The following PPP2R2D variants were observed in gnomAD, a reference collection of about 807,000 sequenced individuals.
The protein encoded by PPP2R2D is protein phosphatase 2 regulatory subunit Bdelta.
In PPP2R2D, 9 loss-of-function variants were observed where a neutral mutation model predicts 31.1. The observed-to-expected ratio is 0.29, with a 90% CI of 0.17 to 0.51. The LOEUF (loss-of-function observed/expected upper bound fraction) is 0.51. Among genes scored for constraint, PPP2R2D ranks in the 20% least tolerant of loss-of-function variants. The probability of loss-of-function intolerance (pLI) is 0.98; values close to 1 mark genes in which losing one functional copy is unlikely to be tolerated. For missense variants in PPP2R2D, 391 were observed against 465.6 expected (o/e 0.84, Z 1.48); for synonymous variants, 179 against 172.6 (o/e 1.04, Z -0.29).
chr10:131,917,000 GA>G (rs2035809468), intron 2 of PPP2R2D, among the ~76,000 whole-genome samples: 1 of 141,002 alleles, frequency 7.1e-6, no homozygotes, highest in Non-Finnish European at 1.6e-5. Context: ...CAGGTGGGTG[GA>G]ATGACACAGT....
intron 2 of PPP2R2D, among the ~76,000 whole-genome samples, chr10:131,920,000 GTGTT>G (rs781855071): frequency 2.1e-4 from 32 of 150,226 alleles, no homozygotes; most frequent in Admixed American, 6.6e-4. Context: ...GAATGACACA[GTGTT>G]TGTAGGGACC....
At chr10:131,946,567 G>T (rs2036545487) in intron 7 of PPP2R2D, among the ~76,000 whole-genome samples, 1 of 152,228 alleles carries the variant, frequency 6.6e-6, no homozygotes, top group Admixed American at 6.5e-5. Context: ...CGATGAGGAT[G>T]AGTGTTTCGT....
chr10:131,932,372 A>G (rs782358579), intron 2 of PPP2R2D, among the ~76,000 whole-genome samples: 2 of 152,148 alleles, frequency 1.3e-5, no homozygotes, highest in Non-Finnish European at 2.9e-5. Context: ...GGTGAAGTTT[A>G]TGGTAGTTTA....
chr10:131,944,677 C>T (rs892427693), intron 6 of PPP2R2D, among the ~76,000 whole-genome samples: 2 of 152,184 alleles, frequency 1.3e-5, no homozygotes, highest in Non-Finnish European at 2.9e-5. Flanking sequence ...CGTCCTCCCT[C>T]TGCTGTCCAG....
chr10:131,966,692 A>T, the PPP2R2D span: 1 of 152,316 alleles, frequency 6.6e-6, no homozygotes, highest in South Asian at 2.1e-4. Context: ...CTGGGGCTAC[A>T]GGTGTGTGCC....
At chr10:131,924,596 A>G (rs2036063969) in intron 2 of PPP2R2D, among the ~76,000 whole-genome samples, 1 of 151,934 alleles carries the variant, frequency 6.6e-6, no homozygotes. Context: ...GAAATCAGGA[A>G]GTGTCAGTCT....
rs2036526203 is a variant in PPP2R2D at position 131,945,721 on chromosome 10, G to A, written c.820+262G>A. The A allele has an allele frequency of 2.4e-6, 1 of 418,034 alleles. No homozygotes were observed. Among genetic ancestry groups the A allele is most frequent in the African/African-American group, 2.0e-5 (1 of 50,088 alleles). The allele number at this position is 418,034 out of a possible 1,614,324, so 25.9% of individuals were successfully genotyped here. A position where few individuals can be genotyped will look rare whatever the true frequency, so the allele number is the denominator to read the frequency against. The stretch of plus-strand genomic sequence containing the variant: ...CTACCTCGGCCTCCCAAAGTGCTGG[G>A]ATTACAGGTGTGAGTCACCGCACCT... On this transcript the variant is annotated intron_variant, in intron 7 of 8. Transcript: ENST00000455566. This position sits in a 1 kb window ranked among gnomAD's most constrained non-coding sequence, Gnocchi z 4.8.
rs552872966 is a variant in PPP2R2D at position 131,947,152 on chromosome 10, G to A, written c.821-378G>A. Among the ~76,000 whole-genome samples the A allele has an allele frequency of 3.9e-5, 6 of 152,330 alleles. No homozygotes were observed. Among genetic ancestry groups the A allele is most frequent in the African/African-American group, 9.6e-5 (4 of 41,570 alleles). Reference sequence around the variant, plus strand: ...TGCTCGGGCCTGGTGCCATGAGGACGCGGAGACACTCCTACAGGAATGCGG... The same window carrying A: ...TGCTCGGGCCTGGTGCCATGAGGACACGGAGACACTCCTACAGGAATGCGG... On this transcript the variant is annotated intron_variant, in intron 7 of 8. Transcript: ENST00000455566. This position sits in a 1 kb window ranked among gnomAD's most constrained non-coding sequence, Gnocchi z 4.3.
chr10:131,925,255 C>T (rs1268190245), intron 2 of PPP2R2D, among the ~76,000 whole-genome samples: 1 of 152,208 alleles, frequency 6.6e-6, no homozygotes, highest in Non-Finnish European at 1.5e-5. Context: ...CCTTCAGACT[C>T]ATCATGAAGT....
At chr10:131,902,655 C>T (rs1024414594) in intron 2 of PPP2R2D, among the ~76,000 whole-genome samples, 18 of 152,182 alleles carry the variant, frequency 1.2e-4, no homozygotes, top group Non-Finnish European at 2.5e-4. Flanking sequence ...ACAGTTCAGC[C>T]TTACTCAAGT....
At chr10:131,922,767 TA>T (rs1194737504) in intron 2 of PPP2R2D, among the ~76,000 whole-genome samples, 1 of 152,004 alleles carries the variant, frequency 6.6e-6, no homozygotes, top group Non-Finnish European at 1.5e-5. Context: ...ATTTTTTTCT[TA>T]AAAAAAATTG....
At chr10:131,970,451 TG>T in the PPP2R2D span, 1 of 813,306 alleles carries the variant, frequency 1.2e-6, no homozygotes, top group Non-Finnish European at 1.9e-6. This position sits in a 1 kb window ranked among gnomAD's most constrained non-coding sequence, Gnocchi z 4.1. Context: ...GCGCCTGTGC[TG>T]GGGCCTTTGG....
chr10:131,953,605 G>T (rs868953877), intron 8 of PPP2R2D, among the ~76,000 whole-genome samples: 1 of 135,930 alleles, frequency 7.4e-6, no homozygotes, highest in African/African-American at 2.8e-5. Flanking sequence ...GGTATGCGGG[G>T]GTTCATTGTC....
intron 5 of PPP2R2D, chr10:131,940,895 CAT>C (rs1437894599): frequency 1.4e-5 from 7 of 497,846 alleles, no homozygotes; most frequent in Admixed American, 7.4e-5. Flanking sequence ...CAGAAAGTCA[CAT>C]GTGGTCCTTA....
chr10:131,961,689 C>T (rs1554901480), downstream of PPP2R2D, among the ~76,000 whole-genome samples: 2 of 152,206 alleles, frequency 1.3e-5, no homozygotes, highest in Non-Finnish European at 2.9e-5. Context: ...CGCTGCCGTC[C>T]TGGGCCGGGC....
chr10:131,901,045 C>CGCCGGCGGT lies in PPP2R2D; in HGVS notation c.-102_-94dup, dbSNP rs1168944790. ...CCGGCGGCGGCGGCGGCGGCGGCGG[C>CGCCGGCGGT]GCCGGCGGTGGTGGCGGCCCCGGGG... On this transcript the variant is annotated 5_prime_UTR_variant, in exon 1 of 9. Transcript: ENST00000455566. 1 of 160,938 alleles carries CGCCGGCGGT rather than the reference C, an allele frequency of 6.2e-6. No individual in the cohort carries two copies. Among genetic ancestry groups the CGCCGGCGGT allele is most frequent in the Non-Finnish European group, 1.3e-5 (1 of 76,334 alleles). The allele number at this position is 160,938 out of a possible 1,614,324, so 10.0% of individuals were successfully genotyped here.
chr10:131,908,851 G>A (rs1322459391), intron 2 of PPP2R2D, among the ~76,000 whole-genome samples: 1 of 152,198 alleles, frequency 6.6e-6, no homozygotes, highest in African/African-American at 2.4e-5. Context: ...AAAATGAAGG[G>A]TAATGCAGGG....
At chr10:131,941,670 G>T (rs1459507538) in intron 5 of PPP2R2D, among the ~76,000 whole-genome samples, 2 of 152,166 alleles carry the variant, frequency 1.3e-5, no homozygotes, top group African/African-American at 2.4e-5. Context: ...CATTAGTCTT[G>T]GAGAGTGCTA....
At position 131,945,346 on chromosome 10, in the gene PPP2R2D, C is replaced by G. The variant is rs976479435; in HGVS notation, c.707C>G (p.Thr236Ser). 6.2e-7 allele frequency: 1 copy of G among 1,614,238 alleles called. No homozygotes were observed. Among genetic ancestry groups the G allele is most frequent in the Non-Finnish European group, 8.5e-7 (1 of 1,180,040 alleles). Residue 236 changes from threonine (T) to serine (S), a missense_variant, in exon 7 of 9, where the codon ACT becomes AGT. By Grantham distance (58) the Thr-to-Ser change is moderately conservative (BLOSUM62 1). Coordinates refer to ENST00000455566, the MANE Select transcript of PPP2R2D (RefSeq NM_018461.5). The surrounding 1 kb of genome is among the most constrained non-coding windows in gnomAD (Gnocchi z 4.8). The stretch of plus-strand genomic sequence containing the variant: ...ATGGAGGAGCTGACCGAAGTCATCA[C>G]TGCAGCCGAGTTCCACCCGCACCAG... ...ANMEELTEVI[T>S]AAEFHPHQCN...
Sources: allele counts gnomAD v4.1 joint callset (sites outside exome capture counted in the v4.1 genomes callset), GRCh38; gene constraint gnomAD v4.1.1; non-coding constraint Gnocchi (gnomAD v3.1); transcripts MANE v1.5; gene names NCBI Gene and HGNC (gene_info 2026-07-23, HGNC 2026-07-21).